The following WDR26 variants were observed in gnomAD, a reference collection of about 807,000 sequenced individuals.
The protein encoded by WDR26 is WD repeat domain 26.
Under a neutral mutation model 84.1 loss-of-function variants are expected in WDR26, and 5 were observed. The observed-to-expected ratio is 0.06, with a 90% CI of 0.03 to 0.13. The LOEUF is 0.13. Among genes scored for constraint, WDR26 ranks in the 10% least tolerant of loss-of-function variants. The pLI is 1.00. For missense variants in WDR26, 642 were observed against 974.9 expected (o/e 0.66, Z 4.55); for synonymous variants, 415 against 389.6 (o/e 1.07, Z -0.77).
At chr1:224,397,974 T>C in intron 12 of WDR26, 123 bp downstream of exon 12, 7 of 1,173,344 alleles carry the variant, frequency 6.0e-6, no homozygotes, top group Non-Finnish European at 8.3e-6. Context: ...TAACCGTGTA[T>C]TGGATAAATG....
chr1:224,398,452 T>C (rs2102891040), intron 11 of WDR26, 63 bp downstream of exon 11: 2 of 1,418,282 alleles, frequency 1.4e-6, no homozygotes, highest in East Asian at 4.6e-5. Flanking sequence ...ACACTGAAAA[T>C]AACAGTTAAA....
At chr1:224,424,774 A>C (rs1172998949) in intron 3 of WDR26, 120 bp from the exon 4 acceptor site, 3 of 1,290,472 alleles carry the variant, frequency 2.3e-6, no homozygotes, top group Non-Finnish European at 3.3e-6. Context: ...ACTTTTTATA[A>C]AGCTTCAAGA....
At position 224,389,727 on chromosome 1, in the gene WDR26, C is replaced by T. The variant is rs564551375; in HGVS notation, c.*108G>A. ...TTCAGAAATGGTTCTTTTTTCATGA[C>T]GAGCATGTCTGTCCAGCTATCAATC... On this transcript the variant is annotated 3_prime_UTR_variant, in exon 14 of 14. Transcript: ENST00000414423. The T allele has an allele frequency of 5.4e-5, 63 of 1,158,482 alleles. 1 individual carries two copies. Among genetic ancestry groups the T allele is most frequent in the Admixed American group, 7.6e-5 (4 of 52,726 alleles). 71.8% of individuals were successfully genotyped at this position (1,158,482 alleles called of 1,614,324 possible).
In WDR26 at chr1:224,393,874, A is replaced by G. The variant is rs1211183742; in HGVS notation, c.2214T>C (p.Val738=). The G allele has an allele frequency of 3.8e-6, 6 of 1,581,536 alleles. No individual in the cohort carries two copies. Among genetic ancestry groups the G allele is most frequent in the Non-Finnish European group, 5.2e-6 (6 of 1,154,824 alleles). ...TAAAAGGTGCTGGTCCCCATATTCTAACAGTGCCATCATCTGAGGCGCTGG... is the reference window on the plus strand; with the variant it reads ...TAAAAGGTGCTGGTCCCCATATTCTGACAGTGCCATCATCTGAGGCGCTGG... Residue 738 remains valine (V), a synonymous_variant, in exon 13 of 14, where the codon GTT becomes GTC. Coordinates refer to ENST00000414423, the MANE Select transcript of WDR26 (RefSeq NM_001379403.1).
chr1:224,401,690 G>GAAAAAAAAAAAAAAAAAAAAAAAAA (rs67543360), intron 8 of WDR26, among the ~76,000 whole-genome samples: 1 of 84,048 alleles, frequency 1.2e-5, no homozygotes, highest in African/African-American at 4.4e-5. Context: ...AAAAAAAAAA[G>GAAAAAAAAAAAAAAAAAAAAAAAAA]AAAAAAAAAA....
At chr1:224,411,316 C>A (rs559976732) in intron 7 of WDR26, 111 bp downstream of exon 7, 1 of 1,167,968 alleles carries the variant, frequency 8.6e-7, no homozygotes, top group Non-Finnish European at 1.1e-6. Flanking sequence ...ATAAAAAATG[C>A]TCTTAGAAAA....
chr1:224,408,633 C>CTTTTT (rs67639407), intron 7 of WDR26, among the ~76,000 whole-genome samples: 11 of 115,808 alleles, frequency 9.5e-5, no homozygotes, highest in African/African-American at 2.5e-4. Flanking sequence ...TCATCCCATT[C>CTTTTT]TTTTTTTTTT....
At position 224,389,300 on chromosome 1, in the gene WDR26, C is replaced by T. The variant is rs191229904; in HGVS notation, c.*535G>A. 2.1e-5 allele frequency: 4 copies of T among 188,166 alleles called. No individual in the cohort carries two copies. The highest frequency in any genetic ancestry group is 2.8e-4 in the East Asian group (2 of 7,222). 11.7% of individuals were successfully genotyped at this position (188,166 alleles called of 1,614,324 possible). A position where few individuals can be genotyped will look rare whatever the true frequency, so the allele number is the denominator to read the frequency against. ...ATCTGGATCAGTATATACTGCGCAA[C>T]GGGCAAGGCTAGAATCCATGAACCA... On this transcript the variant is annotated 3_prime_UTR_variant, in exon 14 of 14. Transcript: ENST00000414423.
chr1:224,426,247 T>C (rs1408723642), intron 3 of WDR26, among the ~76,000 whole-genome samples: 2 of 152,204 alleles, frequency 1.3e-5, no homozygotes, highest in Non-Finnish European at 2.9e-5. Context: ...ATTAACAGTA[T>C]AATAAACTGC....
chr1:224,413,125 G>A (rs1161661597), intron 6 of WDR26: 2 of 224,748 alleles, frequency 8.9e-6, no homozygotes, highest in Non-Finnish European at 1.7e-5. Context: ...GGAGGTGGAG[G>A]TTGCAGTGAG....
Position 224,403,885 on chromosome 1 carries a change from C to T in WDR26, c.1599+545G>A, listed in dbSNP as rs187367199. 2.3e-3 allele frequency among the ~76,000 whole-genome samples: 349 copies of T among 152,124 alleles called. 3 individuals are homozygous for T. The highest frequency in any genetic ancestry group is 4.1e-3 in the Non-Finnish European group (277 of 67,990). Reference sequence around the variant, plus strand: ...CCAGGAGGTGGAGGCTGCAGTGAGCCGAGATTGCGCCACCGCACTCCAGCC... The same window carrying T: ...CCAGGAGGTGGAGGCTGCAGTGAGCTGAGATTGCGCCACCGCACTCCAGCC... On this transcript the variant is annotated intron_variant, in intron 8 of 13. Transcript: ENST00000414423.
chr1:224,412,707 G>A (rs1394914147), intron 6 of WDR26, among the ~76,000 whole-genome samples: 1 of 152,170 alleles, frequency 6.6e-6, no homozygotes, highest in African/African-American at 2.4e-5. Flanking sequence ...ATATACCTGT[G>A]TTATCTAATA....
chr1:224,396,956 T>C (rs1246398684), intron 12 of WDR26, among the ~76,000 whole-genome samples: 2 of 152,192 alleles, frequency 1.3e-5, no homozygotes, highest in Non-Finnish European at 2.9e-5. Flanking sequence ...TGTTAAAATC[T>C]AAATCTCTAA....
intron 12 of WDR26, among the ~76,000 whole-genome samples, chr1:224,395,230 T>C (rs567584173): frequency 4.6e-5 from 7 of 152,184 alleles, no homozygotes; most frequent in Non-Finnish European, 1.0e-4. Flanking sequence ...TATATTTGTA[T>C]GTGGAAAGGT....
intron 13 of WDR26, 33 bp from the exon 14 acceptor site, chr1:224,389,893 C>CGGGA: frequency 8.9e-6 from 1 of 111,876 alleles, no homozygotes; most frequent in Non-Finnish European, 1.9e-5. Flanking sequence ...GTATGGGGGG[C>CGGGA]GGGCGGGGGA....
intron 1 of WDR26, among the ~76,000 whole-genome samples, chr1:224,432,894 C>G (rs1674437512): frequency 6.6e-6 from 1 of 152,164 alleles, no homozygotes; most frequent in Non-Finnish European, 1.5e-5. Flanking sequence ...GGTTTTTGTC[C>G]AAGGTCGCTG....
intron 7 of WDR26, among the ~76,000 whole-genome samples, chr1:224,405,582 A>G (rs1349859685): frequency 6.6e-6 from 1 of 152,258 alleles, no homozygotes; most frequent in Non-Finnish European, 1.5e-5. Flanking sequence ...CACTATTCAT[A>G]AACAATACTT....
intron 6 of WDR26, chr1:224,413,383 T>C (rs1420231861): frequency 8.7e-6 from 9 of 1,039,726 alleles, no homozygotes; most frequent in Admixed American, 3.0e-5. Flanking sequence ...CTTTATTTGG[T>C]ACACATGGCA....
At chr1:224,407,221 A>C (rs1465603451) in intron 7 of WDR26, among the ~76,000 whole-genome samples, 1 of 141,022 alleles carries the variant, frequency 7.1e-6, no homozygotes, top group African/African-American at 2.6e-5. Flanking sequence ...ATCCTATAAA[A>C]GATAAAGTTG....
Sources: allele counts gnomAD v4.1 joint callset (sites outside exome capture counted in the v4.1 genomes callset), GRCh38; gene constraint gnomAD v4.1.1; transcripts MANE v1.5; gene names NCBI Gene and HGNC (gene_info 2026-07-23, HGNC 2026-07-21).